The following CARMIL1 variants were observed in gnomAD, a reference collection of about 807,000 sequenced individuals.
The protein encoded by CARMIL1 is F-actin-uncapping protein LRRC16A.
In CARMIL1, 90 loss-of-function variants were observed where a neutral mutation model predicts 177.1. That is an observed-to-expected ratio of 0.51 (90% confidence interval 0.43 to 0.61). CARMIL1 has a LOEUF of 0.61. Ranked by LOEUF, CARMIL1 falls within the 20% of genes least tolerant of loss-of-function variation. CARMIL1 has a pLI of 0.00. For synonymous variants in CARMIL1, 577 were observed against 606.2 expected (o/e 0.95, Z 0.71); for missense variants, 1,380 against 1,667.0 (o/e 0.83, Z 3.00).
intron 2 of CARMIL1, among the ~76,000 whole-genome samples, chr6:25,320,675 G>A (rs1387188150): frequency 6.6e-6 from 1 of 152,156 alleles, no homozygotes; most frequent in Non-Finnish European, 1.5e-5. Context: ...TAGCATTCTT[G>A]GTGGAAGTGG....
At chr6:25,283,998 G>A (rs1163504198) in intron 1 of CARMIL1, among the ~76,000 whole-genome samples, 5 of 152,126 alleles carry the variant, frequency 3.3e-5, no homozygotes, top group Middle Eastern at 6.8e-3. Context: ...GATTACAGAC[G>A]TGAGCCAACG....
chr6:25,570,995 T>C (rs1812022038), intron 29 of CARMIL1, among the ~76,000 whole-genome samples: 1 of 152,182 alleles, frequency 6.6e-6, no homozygotes, highest in African/African-American at 2.4e-5. Context: ...ATCTCAGACT[T>C]TTAAAAATGG....
intron 32 of CARMIL1, among the ~76,000 whole-genome samples, chr6:25,599,775 A>G (rs1348099191): frequency 2.0e-5 from 3 of 152,170 alleles, no homozygotes; most frequent in Non-Finnish European, 4.4e-5. Context: ...CATGAAAACT[A>G]TGCACAGGAG....
chr6:25,451,946 G>C, intron 8 of CARMIL1: 2 of 614,900 alleles, frequency 3.3e-6, no homozygotes, highest in Non-Finnish European at 5.9e-6. Context: ...TGTCACAGAG[G>C]ATTGTTGTTG....
chr6:25,606,491 G>A lies in CARMIL1; in HGVS notation c.3847+218G>A, dbSNP rs187429981. The stretch of plus-strand genomic sequence containing the variant: ...AGGCCCACCATGTGTGAGAGTTGGG[G>A]ACTCTGAGACTGTCCTTGCTTTCAG... On this transcript the variant is annotated intron_variant, in intron 35 of 36. Transcript: ENST00000329474. Among the ~76,000 whole-genome samples, 6 of 152,334 alleles carry A rather than the reference G, an allele frequency of 3.9e-5. No individual in the cohort carries two copies. The East Asian group carries it at 1.2e-3, about 29-fold the overall frequency.
intron 2 of CARMIL1, among the ~76,000 whole-genome samples, chr6:25,388,891 C>T (rs1013950818): frequency 3.9e-5 from 6 of 151,982 alleles, no homozygotes; most frequent in Non-Finnish European, 8.8e-5. Context: ...TTTTGTTGCC[C>T]AGGCTGGTCT....
intron 28 of CARMIL1, among the ~76,000 whole-genome samples, chr6:25,555,029 C>T (rs373401707): frequency 2.2e-4 from 34 of 152,168 alleles, no homozygotes; most frequent in African/African-American, 8.0e-4. Context: ...TAGCACAATT[C>T]AAATGCTGCC....
intron 2 of CARMIL1, among the ~76,000 whole-genome samples, chr6:25,376,614 T>C (rs937068966): frequency 6.6e-6 from 1 of 151,988 alleles, no homozygotes; most frequent in African/African-American, 2.4e-5. Flanking sequence ...AGTAGCATAG[T>C]GCTTGGTTTG....
chr6:25,465,828 C>A, intron 8 of CARMIL1, 45 bp from the exon 9 acceptor site: 1 of 1,098,260 alleles, frequency 9.1e-7, no homozygotes, highest in Non-Finnish European at 1.4e-6. Flanking sequence ...GTCAGTGTAG[C>A]TACTGTAGGA....
At chr6:25,293,813 C>G (rs1221872509) in intron 2 of CARMIL1, among the ~76,000 whole-genome samples, 3 of 152,074 alleles carry the variant, frequency 2.0e-5, no homozygotes, top group African/African-American at 7.2e-5. Context: ...CCTGTGCCAC[C>G]CAGGCTCAAG....
rs1790626061 is a variant in CARMIL1, at chr6:25,373,411, G to A, written c.139-46703G>A. On this transcript the variant is annotated intron_variant, in intron 2 of 36. Coordinates refer to ENST00000329474, the MANE Select transcript of CARMIL1 (RefSeq NM_017640.6). ...CTTCGGCTTTTTTTTTTTTTTTTTG[G>A]TCTGTTCAGGATTTCTATTTCTTCC... Among the ~76,000 whole-genome samples, 3 of 111,842 alleles carry A rather than the reference G, an allele frequency of 2.7e-5. No individual in the cohort carries two copies. In the Admixed American group the frequency reaches 2.8e-4, roughly 10 times the overall value. 73.4% of individuals were successfully genotyped at this position (111,842 alleles called of 152,430 possible).
intron 2 of CARMIL1, among the ~76,000 whole-genome samples, chr6:25,334,090 C>T (rs546409555): frequency 1.9e-4 from 29 of 152,300 alleles, no homozygotes; most frequent in African/African-American, 7.0e-4. Context: ...GTTCAACACA[C>T]CCCTGGTGGC....
chr6:25,521,747 C>G (rs545573000), intron 23 of CARMIL1, among the ~76,000 whole-genome samples: 6 of 148,458 alleles, frequency 4.0e-5, no homozygotes, highest in African/African-American at 5.0e-5. Context: ...TCCAGCCTGG[C>G]CGACAGAGCG....
intron 32 of CARMIL1, among the ~76,000 whole-genome samples, chr6:25,597,108 G>A (rs1814933066): frequency 1.3e-5 from 2 of 152,144 alleles, no homozygotes; most frequent in South Asian, 4.1e-4. Flanking sequence ...ATAATGGCAT[G>A]GCAGAGAAGT....
At chr6:25,610,765 C>G (rs116386464) in intron 36 of CARMIL1, among the ~76,000 whole-genome samples, 248 of 152,282 alleles carry the variant, frequency 1.6e-3, no homozygotes, top group African/African-American at 5.0e-3. Flanking sequence ...AATCCTGTGA[C>G]GAGAATGCTT....
intron 26 of CARMIL1, among the ~76,000 whole-genome samples, chr6:25,543,195 T>C (rs2151142205): frequency 6.6e-6 from 1 of 152,310 alleles, no homozygotes. Context: ...CTCATGATAA[T>C]CAGGGGGATT....
intron 29 of CARMIL1, among the ~76,000 whole-genome samples, chr6:25,569,084 A>G (rs1811831274): frequency 6.6e-6 from 1 of 152,244 alleles, no homozygotes; most frequent in African/African-American, 2.4e-5. Context: ...AAAGCAGCAA[A>G]TAATATTGCA....
At chr6:25,309,949 T>C (rs1783647698) in intron 2 of CARMIL1, among the ~76,000 whole-genome samples, 1 of 151,952 alleles carries the variant, frequency 6.6e-6, no homozygotes, top group African/African-American at 2.4e-5. Flanking sequence ...TTTGTATTTT[T>C]AGTAGAGGTG....
At chr6:25,421,389 G>A (rs1379737313) in intron 3 of CARMIL1, among the ~76,000 whole-genome samples, 1 of 152,122 alleles carries the variant, frequency 6.6e-6, no homozygotes, top group Non-Finnish European at 1.5e-5. Context: ...TGCTGGAGAG[G>A]ATGTGGAGAA....
Sources: gnomAD v4.1 joint callset for allele counts (sites outside exome capture counted in the v4.1 genomes callset) on GRCh38, gnomAD v4.1.1 for gene constraint, MANE v1.5 for transcripts, NCBI Gene and HGNC (gene_info 2026-07-23, HGNC 2026-07-21) for gene names.